ATRNL1: variants seen among roughly 807,000 people sequenced by gnomAD.
The protein encoded by ATRNL1 is attractin like 1, also known as attractin-like protein 1.
A neutral mutation model predicts 182.7 loss-of-function variants in ATRNL1; 95 were observed. The observed-to-expected ratio is 0.52, with a 90% CI of 0.44 to 0.62. ATRNL1 has a LOEUF of 0.62. ATRNL1 is among the 20% of genes least tolerant of loss of function. The pLI, the probability that ATRNL1 is intolerant of heterozygous loss-of-function variation, is 0.00. For synonymous variants in ATRNL1, 576 were observed against 568.3 expected (o/e 1.01, Z -0.19); for missense variants, 1,471 against 1,679.5 (o/e 0.88, Z 2.17).
In ATRNL1 at chr10:115,093,774, C is replaced by T; in HGVS notation, c.24C>T (p.Arg8=). METGGRA[R]TGTPQPAAPG... ...AGATGGAGACTGGGGGCCGGGCCCGCACTGGTACCCCGCAGCCAGCGGCCC... is the reference window on the plus strand; with the variant it reads ...AGATGGAGACTGGGGGCCGGGCCCGTACTGGTACCCCGCAGCCAGCGGCCC... The change falls in exon 1 of 29, where the codon CGC becomes CGT. Residue 8 remains arginine (R), a synonymous_variant. Transcript: ENST00000355044. The surrounding 1 kb of genome is among the most constrained non-coding windows in gnomAD (Gnocchi z 6.1). 1 of 1,423,334 alleles carries T rather than the reference C, an allele frequency of 7.0e-7. No homozygotes were observed. Among genetic ancestry groups the T allele is most frequent in the Non-Finnish European group, 9.1e-7 (1 of 1,096,048 alleles). 88.2% of individuals were successfully genotyped at this position (1,423,334 alleles called of 1,614,324 possible). A position where few individuals can be genotyped will look rare whatever the true frequency, so the allele number is the denominator to read the frequency against.
intron 28 of ATRNL1, among the ~76,000 whole-genome samples, chr10:115,913,146 A>G (rs559229535): frequency 5.3e-5 from 8 of 152,286 alleles, no homozygotes; most frequent in African/African-American, 1.9e-4. Context: ...ACTAAATTGC[A>G]GTATGTGTCT....
At chr10:115,938,516 A>G (rs1479403826) in intron 28 of ATRNL1, among the ~76,000 whole-genome samples, 3 of 152,154 alleles carry the variant, frequency 2.0e-5, no homozygotes, top group African/African-American at 7.2e-5. Flanking sequence ...TGTATGTTCT[A>G]CTTATTTACA....
At chr10:115,741,377 G>A (rs1948135245) in intron 27 of ATRNL1, among the ~76,000 whole-genome samples, 1 of 152,118 alleles carries the variant, frequency 6.6e-6, no homozygotes, top group Admixed American at 6.6e-5. Context: ...ATGCCAAGTT[G>A]AGAGAGCAAG....
intron 3 of ATRNL1, among the ~76,000 whole-genome samples, chr10:115,127,121 G>T (rs1156727375): frequency 1.3e-5 from 2 of 152,138 alleles, no homozygotes; most frequent in Non-Finnish European, 2.9e-5. Context: ...TATTGGAAAT[G>T]TACAGCTATA....
intron 25 of ATRNL1, among the ~76,000 whole-genome samples, chr10:115,525,844 C>T (rs1281762703): frequency 2.6e-5 from 4 of 152,166 alleles, no homozygotes; most frequent in Admixed American, 6.5e-5. Context: ...CTTAACATTT[C>T]GTTGCCCTTT....
intron 26 of ATRNL1, among the ~76,000 whole-genome samples, chr10:115,668,032 T>A (rs1217343427): frequency 6.6e-6 from 1 of 152,018 alleles, no homozygotes; most frequent in Non-Finnish European, 1.5e-5. Context: ...GAGATGAGAC[T>A]TGATGGGAGA....
At chr10:115,308,991 G>C (rs1853879669) in intron 17 of ATRNL1, among the ~76,000 whole-genome samples, 1 of 152,036 alleles carries the variant, frequency 6.6e-6, no homozygotes, top group African/African-American at 2.4e-5. Context: ...AGCTATCCCA[G>C]CACCATTTAT....
chr10:115,938,704 C>T (rs985088757), intron 28 of ATRNL1, among the ~76,000 whole-genome samples: 5 of 152,132 alleles, frequency 3.3e-5, no homozygotes, highest in African/African-American at 1.2e-4. Context: ...ATTTGCAACA[C>T]ATGAATGGAA....
intron 9 of ATRNL1, among the ~76,000 whole-genome samples, chr10:115,221,944 T>C (rs1451012526): frequency 6.6e-6 from 1 of 151,360 alleles, no homozygotes; most frequent in Non-Finnish European, 1.5e-5. Flanking sequence ...ATACAATATC[T>C]GGCACAAACT....
At chr10:115,546,707 G>A (rs1195297435) in intron 25 of ATRNL1, among the ~76,000 whole-genome samples, 2 of 152,000 alleles carry the variant, frequency 1.3e-5, no homozygotes, top group South Asian at 2.1e-4. Flanking sequence ...TTGGAAGGGC[G>A]ACCTATATAT....
rs1040747815 is a variant in ATRNL1 at position 115,266,911 on chromosome 10, A to G, written c.1887A>G (p.Pro629=). ...AAGAACTTTGTAAAAATGCTGGTCC[A>G]GGGATAAAATGTGTTTGGAATAAAA... ...RDEELCKNAG[P]GIKCVWNKNH... is the part of the protein sequence containing the mutation. Residue 629 remains proline, a synonymous_variant, in exon 12 of 29, where the codon CCA becomes CCG. Transcript: ENST00000355044. 5 of 1,612,440 alleles carry G rather than the reference A, an allele frequency of 3.1e-6. No homozygotes were observed. Among genetic ancestry groups the G allele is most frequent in the African/African-American group, 2.7e-5 (2 of 74,856 alleles).
intron 8 of ATRNL1, among the ~76,000 whole-genome samples, chr10:115,180,525 G>T (rs184533235): frequency 6.6e-6 from 1 of 151,778 alleles, no homozygotes; most frequent in East Asian, 1.9e-4. Context: ...ACCCACAGTA[G>T]CCATTTTGAG....
At chr10:115,525,722 C>T (rs1490575863) in intron 25 of ATRNL1, among the ~76,000 whole-genome samples, 4 of 152,090 alleles carry the variant, frequency 2.6e-5, no homozygotes, top group African/African-American at 9.7e-5. Context: ...CAGGCTTCTA[C>T]GAGTCACTCT....
chr10:115,524,647 T>A (rs1243899631), intron 25 of ATRNL1, among the ~76,000 whole-genome samples: 1 of 152,198 alleles, frequency 6.6e-6, no homozygotes, highest in Non-Finnish European at 1.5e-5. Context: ...CCACTATGAC[T>A]GATCTTATCC....
At chr10:115,437,913 C>T (rs1377730331) in intron 21 of ATRNL1, among the ~76,000 whole-genome samples, 1 of 151,868 alleles carries the variant, frequency 6.6e-6, no homozygotes, top group Non-Finnish European at 1.5e-5. Flanking sequence ...GCGGTTTTAT[C>T]CCTGTTGTAC....
chr10:115,411,936 T>C (rs921626289), intron 20 of ATRNL1, among the ~76,000 whole-genome samples: 1 of 152,152 alleles, frequency 6.6e-6, no homozygotes, highest in African/African-American at 2.4e-5. Context: ...TATTGACCAT[T>C]AATTATCTAT....
chr10:115,555,552 C>T (rs1853264703), intron 26 of ATRNL1, among the ~76,000 whole-genome samples: 1 of 151,840 alleles, frequency 6.6e-6, no homozygotes, highest in African/African-American at 2.4e-5. Flanking sequence ...TTAGTTTATT[C>T]CTTCAACAAA....
chr10:115,262,380 A>G lies in ATRNL1; in HGVS notation c.1688-2813A>G, dbSNP rs532355224. On this transcript the variant is annotated intron_variant, in intron 10 of 28. Transcript: ENST00000355044. ...TGGAAATATCTGGAAAATATGATAT[A>G]TGGGAAAAATTAAGTTTGATGCTTA... Among the ~76,000 whole-genome samples the G allele has an allele frequency of 3.9e-5, 6 of 152,154 alleles. No individual in the cohort carries two copies. In the South Asian group the frequency reaches 1.2e-3, roughly 32 times the overall value.
intron 27 of ATRNL1, among the ~76,000 whole-genome samples, chr10:115,805,491 T>C (rs1593240184): frequency 6.6e-6 from 1 of 152,178 alleles, no homozygotes; most frequent in Non-Finnish European, 1.5e-5. Context: ...CTTAGTTGTA[T>C]TAAATCAAAC....
Sources: gnomAD v4.1 joint callset for allele counts (sites outside exome capture counted in the v4.1 genomes callset) on GRCh38, gnomAD v4.1.1 for gene constraint, Gnocchi (gnomAD v3.1) non-coding constraint, MANE v1.5 for transcripts, NCBI Gene and HGNC (gene_info 2026-07-23, HGNC 2026-07-21) for gene names.